Variants in SLC5A1 observed in about 807,000 individuals in gnomAD.
The protein encoded by SLC5A1 is solute carrier family 5 member 1, also known as sodium/glucose cotransporter 1.
Under a neutral mutation model 73.5 loss-of-function variants are expected in SLC5A1, and 42 were observed. The ratio of observed to expected loss-of-function variants is 0.57; its 90% CI spans 0.45 to 0.74. The LOEUF (loss-of-function observed/expected upper bound fraction) is 0.74. Among genes scored for constraint, SLC5A1 ranks in the 30% least tolerant of loss-of-function variants. The pLI, the probability that SLC5A1 is intolerant of heterozygous loss-of-function variation, is 0.00. For synonymous variants in SLC5A1, 300 were observed against 317.4 expected, an observed-to-expected ratio of 0.95 and a Z score of 0.58; for missense variants, 634 against 855.4, an observed-to-expected ratio of 0.74 and a Z score of 3.23.
At chr22:32,067,139 C>A in intron 3 of SLC5A1, 100 bp downstream of exon 3, 1 of 974,374 alleles carries the variant, frequency 1.0e-6, no homozygotes, top group East Asian at 2.5e-5. Context: ...TTAGGGAACC[C>A]TTCAGGGTCA....
chr22:32,051,112 G>A (rs931990363), intron 2 of SLC5A1, among the ~76,000 whole-genome samples: 6 of 152,198 alleles, frequency 3.9e-5, no homozygotes, highest in African/African-American at 1.4e-4. Context: ...AGAGACTCTT[G>A]TTTTGGAAGA....
rs372066068 is a variant in SLC5A1, at chr22:32,043,314, C to T, written c.33C>T (p.Thr11=). 25 of 1,614,062 alleles carry T rather than the reference C, an allele frequency of 1.5e-5. No homozygotes were observed. The highest frequency in any genetic ancestry group is 1.6e-4 in the Middle Eastern group (1 of 6,084). The part of the protein sequence containing the change: MDSSTWSPKT[T]AVTRPVETHE... ...GTAGCACCTGGAGCCCCAAGACCAC[C>T]GCGGTCACCCGGCCTGTTGAGACCC... The change falls in exon 1 of 15, where the codon ACC becomes ACT. Residue 11 remains threonine, a synonymous_variant. Transcript: ENST00000266088. The surrounding 1 kb of genome is among the most constrained non-coding windows in gnomAD (Gnocchi z 6.5).
At chr22:32,101,905 G>A (rs2094037055) in intron 12 of SLC5A1, 117 bp from the exon 13 acceptor site, 1 of 792,904 alleles carries the variant, frequency 1.3e-6, no homozygotes, top group South Asian at 1.5e-5. Flanking sequence ...ACAGCCTGGA[G>A]CTACCACTTC....
rs1327044079 is a variant in SLC5A1, at chr22:32,083,070, T to A, written c.584-4T>A. The A allele has an allele frequency of 1.2e-5, 20 of 1,614,066 alleles. No homozygotes were observed. Among genetic ancestry groups the A allele is most frequent in the Non-Finnish European group, 1.7e-5 (20 of 1,179,962 alleles). On this transcript the variant is annotated splice_polypyrimidine_tract_variant and splice_region_variant and intron_variant, in intron 6 of 14. Coordinates refer to ENST00000266088, the MANE Select transcript of SLC5A1 (RefSeq NM_000343.4). ...TCAGATGTGTTGTCTTCTTGCCTGCTTAGGGGGCCTGGCGGCGGTGATTTA... is the reference window on the plus strand; with the variant it reads ...TCAGATGTGTTGTCTTCTTGCCTGCATAGGGGGCCTGGCGGCGGTGATTTA...
chr22:32,090,955 A>G (rs758504249), intron 10 of SLC5A1, among the ~76,000 whole-genome samples: 44 of 152,082 alleles, frequency 2.9e-4, no homozygotes, highest in Non-Finnish European at 5.6e-4. Context: ...GTACAAAGTT[A>G]TTATCCCACT....
intron 14 of SLC5A1, among the ~76,000 whole-genome samples, chr22:32,109,606 G>A (rs2094052603): frequency 6.6e-6 from 1 of 152,166 alleles, no homozygotes; most frequent in African/African-American, 2.4e-5. Context: ...GAACAGATAT[G>A]AGATTTTGTG....
rs137878976 is a variant in SLC5A1, at chr22:32,078,567, G to T, written c.478-3299G>T. Among the ~76,000 whole-genome samples, 796 of 152,248 alleles carry T rather than the reference G, an allele frequency of 5.2e-3. 4 individuals are homozygous for T. The highest frequency in any genetic ancestry group is 8.9e-3 in the Non-Finnish European group (606 of 68,014). On this transcript the variant is annotated intron_variant, in intron 5 of 14. Coordinates refer to ENST00000266088, the MANE Select transcript of SLC5A1 (RefSeq NM_000343.4). ...TTACAGGCATAAGCCACTGTGCCTG[G>T]CCTGTGGTGTTTATTTTAACCCCCC...
At chr22:32,048,461 A>G (rs142764229) in intron 1 of SLC5A1, among the ~76,000 whole-genome samples, 150 of 152,304 alleles carry the variant, frequency 9.8e-4, no homozygotes, top group African/African-American at 3.4e-3. Context: ...CCTACTGCCT[A>G]TGCAATAAAG....
intron 10 of SLC5A1, among the ~76,000 whole-genome samples, chr22:32,091,189 T>C (rs547580894): frequency 1.8e-4 from 27 of 152,228 alleles, no homozygotes; most frequent in African/African-American, 6.3e-4. Context: ...CTTACTTTCT[T>C]GAGAGCCCCA....
chr22:32,081,915 A>G lies in SLC5A1; in HGVS notation c.527A>G (p.Asn176Ser), dbSNP rs773906270. The part of the protein sequence containing the change: ...AIFINLALGL[N>S]LYLAIFLLLA... Reference sequence around the variant, plus strand: ...TTCATCAATCTGGCCTTAGGCCTGAATCTGTATTTAGCCATCTTTCTCTTA... The same window carrying G: ...TTCATCAATCTGGCCTTAGGCCTGAGTCTGTATTTAGCCATCTTTCTCTTA... The change falls in exon 6 of 15, where the codon AAT (asparagine) becomes AGT (serine). Residue 176 changes from asparagine to serine, a missense_variant. Asn to Ser is a conservative substitution (Grantham distance 46). Around this residue, in one of 3 missense-constraint regions of SLC5A1, gnomAD observed 422 missense variants for 626.1 expected, o/e 0.67. Coordinates refer to ENST00000266088, the MANE Select transcript of SLC5A1 (RefSeq NM_000343.4). The G allele has an allele frequency of 1.2e-6, 2 of 1,613,810 alleles. No individual in the cohort carries two copies. Among genetic ancestry groups the G allele is most frequent in the South Asian group, 2.2e-5 (2 of 91,058 alleles).
Position 32,067,024 on chromosome 22 carries a change from A to G in SLC5A1, c.297A>G (p.Gly99=). ...GTGAASGIAI[G]GFEWNALVLV... ...GGGCAGCTTCAGGCATCGCCATTGGAGGCTTTGAATGGAATGTGAGTAACA... is the reference window on the plus strand; with the variant it reads ...GGGCAGCTTCAGGCATCGCCATTGGGGGCTTTGAATGGAATGTGAGTAACA... The change falls in exon 3 of 15, where the codon GGA becomes GGG. Residue 99 remains glycine (G), a synonymous_variant. Coordinates refer to ENST00000266088, the MANE Select transcript of SLC5A1 (RefSeq NM_000343.4). 2 of 1,612,950 alleles carry G rather than the reference A, an allele frequency of 1.2e-6. No homozygotes were observed. Among genetic ancestry groups the G allele is most frequent in the Non-Finnish European group, 1.7e-6 (2 of 1,179,110 alleles).
At chr22:32,083,328 G>A (rs1402212142) in intron 7 of SLC5A1, among the ~76,000 whole-genome samples, 174 bp downstream of exon 7, 2 of 152,176 alleles carry the variant, frequency 1.3e-5, no homozygotes, top group Non-Finnish European at 2.9e-5. Context: ...TGGGTATGCA[G>A]GGTCAGCTTC....
chr22:32,044,515 G>GT (rs530554198), intron 1 of SLC5A1, among the ~76,000 whole-genome samples: 6,208 of 138,408 alleles, frequency 0.045, 359 homozygotes, highest in African/African-American at 0.14. Context: ...AAAAGGAAGT[G>GT]TTTTTTTTTT....
chr22:32,091,513 G>A, intron 10 of SLC5A1, 99 bp from the exon 11 acceptor site: 1 of 1,382,424 alleles, frequency 7.2e-7, no homozygotes, highest in South Asian at 1.2e-5. Flanking sequence ...ACATGGCATG[G>A]TTTCAGAAGG....
At chr22:32,105,024 T>G in intron 14 of SLC5A1, 133 bp downstream of exon 14, 1 of 728,584 alleles carries the variant, frequency 1.4e-6, no homozygotes, top group Non-Finnish European at 2.5e-6. Context: ...AGGAGTAGGG[T>G]GGGGATGAGA....
Position 32,110,637 on chromosome 22 carries a change from A to T in SLC5A1, c.*424A>T, listed in dbSNP as rs201422166. The stretch of plus-strand genomic sequence containing the variant: ...CCGTCCTCCTCCCCATTTTTTTTTT[A>T]AAAGAAAGCTGTTTTCCCCTCATCA... On this transcript the variant is annotated 3_prime_UTR_variant, in exon 15 of 15. Transcript: ENST00000266088. 3.7e-4 allele frequency: 104 copies of T among 280,748 alleles called. 1 individual carries two copies. The Middle Eastern group carries it at 3.9e-3, about 11-fold the overall frequency. The allele number at this position is 280,748 out of a possible 1,614,324, so 17.4% of individuals were successfully genotyped here. A position where few individuals can be genotyped will look rare whatever the true frequency, so the allele number is the denominator to read the frequency against.
At chr22:32,091,339 A>ACACC (rs1569313425) in intron 10 of SLC5A1, among the ~76,000 whole-genome samples, 1 of 128,612 alleles carries the variant, frequency 7.8e-6, no homozygotes, top group Non-Finnish European at 1.7e-5. Flanking sequence ...ACACACACAC[A>ACACC]CACCCCACCA....
At position 32,068,550 on chromosome 22, in the gene SLC5A1, G is replaced by A. The variant is rs1353085021; in HGVS notation, c.427G>A (p.Val143Ile). Residue 143 changes from valine (V) to isoleucine (I), a missense_variant, in exon 5 of 15, where the codon GTC becomes ATC. Coordinates refer to ENST00000266088, the MANE Select transcript of SLC5A1 (RefSeq NM_000343.4). The stretch of plus-strand genomic sequence containing the variant: ...GCGGTTTGGAGGCCAGCGGATCCAG[G>A]TCTACCTTTCCCTTCTGTCCCTGCT... ...RKRFGGQRIQ[V>I]YLSLLSLLLY... 1 of 1,613,972 alleles carries A rather than the reference G, an allele frequency of 6.2e-7. No homozygotes were observed.
rs563544408 is a variant in SLC5A1 at position 32,078,135 on chromosome 22, A to G, written c.478-3731A>G. Among the ~76,000 whole-genome samples the G allele has an allele frequency of 1.1e-4, 17 of 152,316 alleles. No homozygotes were observed. In the South Asian group the frequency reaches 3.5e-3, roughly 32 times the overall value. On this transcript the variant is annotated intron_variant, in intron 5 of 14. Transcript: ENST00000266088. The stretch of plus-strand genomic sequence containing the variant: ...TTATTATTTTTAGGGGCTGCAGAAC[A>G]TAACTGTTGACATATAATTTTTAGA...
Sources: allele counts gnomAD v4.1 joint callset (sites outside exome capture counted in the v4.1 genomes callset), GRCh38; gene constraint gnomAD v4.1.1; regional missense constraint gnomAD v4.1.1; non-coding constraint Gnocchi (gnomAD v3.1); transcripts MANE v1.5; gene names NCBI Gene and HGNC (gene_info 2026-07-23, HGNC 2026-07-21).